The following CREB5 variants were observed in gnomAD, a reference collection of about 807,000 sequenced individuals.
CREB5 encodes cyclic AMP-responsive element-binding protein 5.
CREB5 carries 19 observed loss-of-function variants against 57.1 expected under a neutral mutation model. The ratio of observed to expected loss-of-function variants is 0.33; its 90% CI spans 0.23 to 0.49. The LOEUF is 0.49. Ranked by LOEUF, CREB5 falls within the 20% of genes least tolerant of loss-of-function variation. The probability of loss-of-function intolerance (pLI) is 0.99; values close to 1 mark genes in which losing one functional copy is unlikely to be tolerated. For missense variants in CREB5, 579 were observed against 671.6 expected, an observed-to-expected ratio of 0.86 and a Z score of 1.52; for synonymous variants, 238 against 238.3, an observed-to-expected ratio of 1.00 and a Z score of 0.01.
chr7:28,690,778 C>T (rs1456512204), intron 5 of CREB5, among the ~76,000 whole-genome samples: 1 of 152,156 alleles, frequency 6.6e-6, no homozygotes, highest in Non-Finnish European at 1.5e-5. Flanking sequence ...GTACGGCCTC[C>T]CTGACTCTAA....
At chr7:28,740,131 A>G (rs59533032) in intron 7 of CREB5, among the ~76,000 whole-genome samples, 18,027 of 152,234 alleles carry the variant, frequency 0.12, 1,306 homozygotes, top group Middle Eastern at 0.21. Flanking sequence ...AACTGGAGAC[A>G]TGTGAAAGCA....
At chr7:28,446,265 C>T (rs1789462552) in intron 1 of CREB5, among the ~76,000 whole-genome samples, 2 of 151,848 alleles carry the variant, frequency 1.3e-5, no homozygotes, top group African/African-American at 2.4e-5. Context: ...AAGCTATACA[C>T]AAACTGGAGC....
At chr7:28,555,062 C>T (rs978267064) in intron 4 of CREB5, among the ~76,000 whole-genome samples, 1 of 151,158 alleles carries the variant, frequency 6.6e-6, no homozygotes, top group Non-Finnish European at 1.5e-5. Flanking sequence ...GGTGGTAGGA[C>T]TCAGCACACT....
chr7:28,708,871 A>G (rs1245879163), intron 5 of CREB5, among the ~76,000 whole-genome samples: 2 of 152,350 alleles, frequency 1.3e-5, no homozygotes, highest in African/African-American at 2.4e-5. Flanking sequence ...CAAGTGCGCC[A>G]GTGAATGTTT....
intron 4 of CREB5, among the ~76,000 whole-genome samples, chr7:28,560,973 C>CGTGCGT (rs1795222771): frequency 6.3e-5 from 2 of 31,724 alleles, no homozygotes; most frequent in African/African-American, 2.5e-4. Flanking sequence ...TGTGTGTGTG[C>CGTGCGT]GTGTGTGCGT....
At chr7:28,346,835 C>CAGTGGATCTACCGCA (rs138391533) in intron 1 of CREB5, among the ~76,000 whole-genome samples, 65,797 of 151,980 alleles carry the variant, frequency 0.43, 14,540 homozygotes, top group East Asian at 0.55. Context: ...ACATCCACCA[C>CAGTGGATCTACCGCA]AGCTACAACT....
chr7:28,565,597 T>C lies in CREB5; in HGVS notation c.292-4768T>C, dbSNP rs1299528561. Among the ~76,000 whole-genome samples the C allele has an allele frequency of 2.6e-5, 4 of 152,214 alleles. No individual in the cohort carries two copies. The East Asian group carries it at 7.7e-4, about 29-fold the overall frequency. ...TTCAACGTAGGTATTCAAATTGTAA[T>C]TATTATTGACTTTTATCATCATGAT... On this transcript the variant is annotated intron_variant, in intron 4 of 10. Coordinates refer to ENST00000357727, the MANE Select transcript of CREB5 (RefSeq NM_182898.4).
Position 28,818,287 on chromosome 7 carries a change from A to G in CREB5, c.1363+108A>G, listed in dbSNP as rs1003469828. 8.2e-6 allele frequency: 6 copies of G among 731,390 alleles called. No homozygotes were observed. The African/African-American group carries it at 1.1e-4, about 13-fold the overall frequency. 45.3% of individuals were successfully genotyped at this position (731,390 alleles called of 1,614,324 possible). On this transcript the variant is annotated intron_variant, in intron 10 of 10. Coordinates refer to ENST00000357727, the MANE Select transcript of CREB5 (RefSeq NM_182898.4). ...AAAGTAAAGTGTAGATTGTACTTCC[A>G]GGCAGATATACAAGAATTCTTGAGT...
At chr7:28,520,460 G>A (rs1292212968) in intron 4 of CREB5, among the ~76,000 whole-genome samples, 1 of 152,180 alleles carries the variant, frequency 6.6e-6, no homozygotes, top group Non-Finnish European at 1.5e-5. Context: ...GATTTCTGAA[G>A]TGATCCCCAC....
intron 5 of CREB5, among the ~76,000 whole-genome samples, chr7:28,699,168 T>TTTC (rs970865434): frequency 1.3e-5 from 2 of 151,934 alleles, no homozygotes; most frequent in East Asian, 1.9e-4. Context: ...CCTTTCTTCC[T>TTTC]TTCTTCTTCT....
chr7:28,619,742 G>A (rs1247743877), intron 5 of CREB5, among the ~76,000 whole-genome samples: 2 of 152,122 alleles, frequency 1.3e-5, no homozygotes, highest in South Asian at 2.1e-4. Context: ...CCAGGATGAC[G>A]ATGAAGGAAA....
At chr7:28,345,395 T>C (rs746970710) in intron 1 of CREB5, among the ~76,000 whole-genome samples, 4 of 151,830 alleles carry the variant, frequency 2.6e-5, no homozygotes, top group Non-Finnish European at 5.9e-5. Context: ...GATATGAAAC[T>C]AGAAATCAAT....
In CREB5 at chr7:28,346,196, T is replaced by C. The variant is rs147019037; in HGVS notation, c.-25+46755T>C. On this transcript the variant is annotated intron_variant, in intron 1 of 9. Coordinates refer to the CREB5 transcript ENST00000396299. ...AAGACACCATCTGTCTTAGTCTATT[T>C]AGGTTGCTAAAACAAACTACCATAA... Among the ~76,000 whole-genome samples the C allele has an allele frequency of 2.0e-5, 3 of 152,364 alleles. No homozygotes were observed. In the East Asian group the frequency reaches 5.8e-4, roughly 29 times the overall value.
chr7:28,307,165 T>C (rs369949375), intron 1 of CREB5, among the ~76,000 whole-genome samples: 1 of 152,318 alleles, frequency 6.6e-6, no homozygotes, highest in African/African-American at 2.4e-5. Context: ...CAGATGTTGC[T>C]TGTGATAGGA....
chr7:28,575,602 C>G (rs1203404876), intron 5 of CREB5, among the ~76,000 whole-genome samples: 2 of 152,220 alleles, frequency 1.3e-5, no homozygotes, highest in African/African-American at 4.8e-5. Flanking sequence ...GGCAGCAGGT[C>G]CCGGCTTGTC....
chr7:28,555,228 T>C (rs1305071942), intron 4 of CREB5, among the ~76,000 whole-genome samples: 1 of 151,968 alleles, frequency 6.6e-6, no homozygotes, highest in African/African-American at 2.4e-5. Context: ...GACAAAGCAT[T>C]CATGAGGGCT....
intron 7 of CREB5, among the ~76,000 whole-genome samples, chr7:28,730,239 A>C (rs1197092082): frequency 6.6e-6 from 1 of 152,136 alleles, no homozygotes; most frequent in Non-Finnish European, 1.5e-5. Context: ...ACTAAAGTGC[A>C]GTGGAGGGAC....
chr7:28,334,772 C>A (rs1052587669), intron 1 of CREB5, among the ~76,000 whole-genome samples: 5 of 152,268 alleles, frequency 3.3e-5, no homozygotes, highest in African/African-American at 1.2e-4. Flanking sequence ...CTCAAGAAAT[C>A]TTTGCCCAGT....
chr7:28,346,348 T>C (rs1786057709), intron 1 of CREB5, among the ~76,000 whole-genome samples: 1 of 152,226 alleles, frequency 6.6e-6, no homozygotes, highest in Admixed American at 6.5e-5. Context: ...TGGTGCCTTC[T>C]TACTGTATCC....
Sources: allele counts gnomAD v4.1 joint callset (sites outside exome capture counted in the v4.1 genomes callset), GRCh38; gene constraint gnomAD v4.1.1; transcripts MANE v1.5; gene names NCBI Gene and HGNC (gene_info 2026-07-23, HGNC 2026-07-21).